The following MUC5AC variants were observed in gnomAD, a reference collection of about 807,000 sequenced individuals.
The protein encoded by MUC5AC is mucin-5AC.
MUC5AC carries 158 observed loss-of-function variants against 169.7 expected under a neutral mutation model. The observed-to-expected ratio is 0.93, with a 90% confidence interval of 0.82 to 1.06. The LOEUF is 1.06. Among genes scored for constraint, MUC5AC ranks in the 50% least tolerant of loss-of-function variants. The pLI is 0.00. For synonymous variants in MUC5AC, 1,975 were observed against 1,237.0 expected (o/e 1.60, Z -12.52); for missense variants, 4,359 against 3,089.9 (o/e 1.41, Z -9.74).
Position 1,190,760 on chromosome 11 carries a change from A to G in MUC5AC, c.12615A>G (p.Pro4205=). The G allele has an allele frequency of 1.4e-6, 1 of 703,388 alleles. No homozygotes were observed. Among genetic ancestry groups the G allele is most frequent in the Non-Finnish European group, 2.6e-6 (1 of 386,146 alleles). 43.6% of individuals were successfully genotyped at this position (703,388 alleles called of 1,614,324 possible). Residue 4205 remains proline, a synonymous_variant, in exon 31 of 49, where the codon CCA becomes CCG. Transcript: ENST00000621226. ...SSPTSSTTST[P]QTSKTSAATS... is the part of the protein sequence containing the mutation. The stretch of plus-strand genomic sequence containing the variant: ...CTACAAGCAGCACAACCTCCACTCC[A>G]CAGACCAGCAAAACCTCAGCTGCTA...
intron 43 of MUC5AC, 68 bp downstream of exon 43, chr11:1,198,373 G>A (rs1306904822): frequency 1.4e-6 from 1 of 703,780 alleles, no homozygotes; most frequent in African/African-American, 1.7e-5. Flanking sequence ...CTGAGGCCCA[G>A]GTAGACTTTG....
rs1489173912 is a variant in MUC5AC at position 1,199,918 on chromosome 11, A to T, written c.16649A>T (p.Glu5550Val). Residue 5550 changes from glutamate to valine, a missense_variant, in exon 48 of 49, where the codon GAG (glutamate) becomes GTG (valine). Physicochemically the swap from Glu to Val is moderately radical, Grantham distance 121 (BLOSUM62 -2). Coordinates refer to ENST00000621226, the MANE Select transcript of MUC5AC (RefSeq NM_001304359.2). ...CAGCAGCAGGGCTGCAGCTCCTCGG[A>T]GCCCGTGCGCCTGGCTTACTGCCGG... is the stretch of plus-strand genomic sequence containing the variant. ...IIQQQGCSSSEPVRLAYCRGN... is the reference protein window; with the variant it reads ...IIQQQGCSSSVPVRLAYCRGN... 1 of 764,380 alleles carries T rather than the reference A, an allele frequency of 1.3e-6. No homozygotes were observed. Among genetic ancestry groups the T allele is most frequent in the Non-Finnish European group, 2.4e-6 (1 of 417,672 alleles). 47.3% of individuals were successfully genotyped at this position (764,380 alleles called of 1,614,324 possible).
In MUC5AC at chr11:1,197,892, C is replaced by G. The variant is rs28742281; in HGVS notation, c.16034-11C>G. ...GACAGACTCCTAATTGCCTCACTCCCGCCCCCGCAGCCTGCAACACCAGCC... is the reference window on the plus strand; with the variant it reads ...GACAGACTCCTAATTGCCTCACTCCGGCCCCCGCAGCCTGCAACACCAGCC... On this transcript the variant is annotated splice_polypyrimidine_tract_variant and intron_variant, in intron 41 of 48. Transcript: ENST00000621226. 4.2e-6 allele frequency: 3 copies of G among 706,948 alleles called. No individual in the cohort carries two copies. The South Asian group carries it at 4.4e-5, about 10-fold the overall frequency. The allele number at this position is 706,948 out of a possible 1,614,324, so 43.8% of individuals were successfully genotyped here. A position where few individuals can be genotyped will look rare whatever the true frequency, so the allele number is the denominator to read the frequency against.
chr11:1,199,424 G>C lies in MUC5AC; in HGVS notation c.16449G>C (p.Glu5483Asp), dbSNP rs1179841087. The C allele has an allele frequency of 2.7e-6, 2 of 732,326 alleles. No individual in the cohort carries two copies. Among genetic ancestry groups the C allele is most frequent in the Non-Finnish European group, 5.0e-6 (2 of 401,640 alleles). 45.4% of individuals were successfully genotyped at this position (732,326 alleles called of 1,614,324 possible). ...ACCACTGTGTGACCCACCAGTGTGAGAAGCACCAGGATGGGCTCGTGGTGG... is the reference window on the plus strand; with the variant it reads ...ACCACTGTGTGACCCACCAGTGTGACAAGCACCAGGATGGGCTCGTGGTGG... ...AGNHCVTHQC[E>D]KHQDGLVVVT... Residue 5483 changes from glutamate to aspartate, a missense_variant, in exon 46 of 49, where the codon GAG becomes GAC. Physicochemically the swap from Glu to Asp is conservative, Grantham distance 45. Coordinates refer to ENST00000621226, the MANE Select transcript of MUC5AC (RefSeq NM_001304359.2).
At chr11:1,179,879 G>A (rs1019966067) in intron 26 of MUC5AC, 143 bp from the exon 27 acceptor site, 10 of 396,914 alleles carry the variant, frequency 2.5e-5, no homozygotes, top group Admixed American at 4.4e-5. Context: ...GGGGGGTCCC[G>A]ATCTGGCCCA....
intron 25 of MUC5AC, 39 bp downstream of exon 25, chr11:1,178,722 G>A (rs1367816121): frequency 8.0e-6 from 9 of 1,119,794 alleles, no homozygotes; most frequent in Non-Finnish European, 1.0e-5. Flanking sequence ...GCCCAAGGGG[G>A]TCATGGTGAC....
At chr11:1,165,902 C>A in intron 11 of MUC5AC, 142 bp downstream of exon 11, 2 of 1,209,780 alleles carry the variant, frequency 1.7e-6, no homozygotes, top group Non-Finnish European at 2.3e-6. Context: ...CTCAAGGAAG[C>A]ACTCCAGCTC....
rs1860905255 is a variant in MUC5AC, at chr11:1,185,140, C to A, written c.6995C>A (p.Thr2332Lys). The A allele has an allele frequency of 1.4e-6, 1 of 728,690 alleles. No individual in the cohort carries two copies. The highest frequency in any genetic ancestry group is 1.9e-5 in the Admixed American group (1 of 53,052). 45.1% of individuals were successfully genotyped at this position (728,690 alleles called of 1,614,324 possible). The part of the protein sequence containing the change: ...TSITSAPTTS[T>K]TSAPTSSTTS... ...ATAACCTCTGCCCCTACAACCAGCACAACCTCTGCCCCTACAAGCAGCACA... is the reference window on the plus strand; with the variant it reads ...ATAACCTCTGCCCCTACAACCAGCAAAACCTCTGCCCCTACAAGCAGCACA... The change falls in exon 31 of 49, where the codon ACA (threonine) becomes AAA (lysine). Residue 2332 changes from threonine (T) to lysine (K), a missense_variant. Coordinates refer to ENST00000621226, the MANE Select transcript of MUC5AC (RefSeq NM_001304359.2).
chr11:1,168,183 GGGCC>G (rs1264056548), intron 12 of MUC5AC, among the ~76,000 whole-genome samples, 196 bp downstream of exon 12: 2 of 152,176 alleles, frequency 1.3e-5, no homozygotes, highest in Non-Finnish European at 1.5e-5. Flanking sequence ...CGGGCCTCCC[GGGCC>G]GCCATACCTG....
chr11:1,165,377 C>G lies in MUC5AC; in HGVS notation c.1205C>G (p.Ala402Gly). 1 of 1,612,432 alleles carries G rather than the reference C, an allele frequency of 6.2e-7. No individual in the cohort carries two copies. Among genetic ancestry groups the G allele is most frequent in the Non-Finnish European group, 8.5e-7 (1 of 1,179,706 alleles). Residue 402 changes from alanine to glycine, a missense_variant, in exon 10 of 49, where the codon GCC becomes GGC. Transcript: ENST00000621226. The stretch of plus-strand genomic sequence containing the variant: ...TGTGCCTGCGTCTACAACGGGGCTG[C>G]CTATGCCCCAGGGGCCACCTACTCC... ...SKCACVYNGA[A>G]YAPGATYSTD...
chr11:1,176,986 G>A lies in MUC5AC; in HGVS notation c.2713G>A (p.Val905Met), dbSNP rs1193555920. The A allele has an allele frequency of 7.5e-6, 3 of 399,258 alleles. No homozygotes were observed. Among genetic ancestry groups the A allele is most frequent in the African/African-American group, 2.1e-5 (1 of 48,772 alleles). The allele number at this position is 399,258 out of a possible 1,614,324, so 24.7% of individuals were successfully genotyped here. ...TDDPCLATCA[V>M]YGDGHYLTFD... ...TGACCCCTGCCTGGCCACCTGCGCC[G>A]TGTACGGGGACGGCCACTACCTCAC... The change falls in exon 22 of 49, where the codon GTG becomes ATG. Residue 905 changes from valine to methionine, a missense_variant. Physicochemically the swap from Val to Met is conservative, Grantham distance 21 (BLOSUM62 1). Transcript: ENST00000621226.
rs1227892209 is a variant in MUC5AC, at chr11:1,184,526, CG to C, written c.6382del (p.Val2128TrpfsTer46). On this transcript the variant is annotated frameshift_variant, in exon 31 of 49. Transcript: ENST00000621226. LOFTEE classifies it high-confidence loss of function. ...GGTGCACCTGGACAACGTGGTTCGA[CG>C]TGGACTTCCCGTCCCCCGGACCCCA... ...PRCTWTTWFD[V>X]DFPSPGPHGG... is the part of the protein sequence containing the mutation. 4.6e-6 allele frequency: 3 copies of C among 653,274 alleles called. No individual in the cohort carries two copies. The African/African-American group carries it at 5.4e-5, about 12-fold the overall frequency. The allele number at this position is 653,274 out of a possible 1,614,324, so 40.5% of individuals were successfully genotyped here. A position where few individuals can be genotyped will look rare whatever the true frequency, so the allele number is the denominator to read the frequency against.
Position 1,200,728 on chromosome 11 carries a change from C to A in MUC5AC, c.*26C>A, listed in dbSNP as rs746512330. 5 of 701,026 alleles carry A rather than the reference C, an allele frequency of 7.1e-6. No homozygotes were observed. The highest frequency in any genetic ancestry group is 1.3e-5 in the Non-Finnish European group (5 of 382,098). The allele number at this position is 701,026 out of a possible 1,614,324, so 43.4% of individuals were successfully genotyped here. A position where few individuals can be genotyped will look rare whatever the true frequency, so the allele number is the denominator to read the frequency against. On this transcript the variant is annotated 3_prime_UTR_variant, in exon 49 of 49. Coordinates refer to ENST00000621226, the MANE Select transcript of MUC5AC (RefSeq NM_001304359.2). ...CCAGCACTGCCGCCCTCCTGACCTC[C>A]AAGGAGAACCTCCCATATGTCCTCT... is the stretch of plus-strand genomic sequence containing the variant.
rs979685923 is a variant in MUC5AC at position 1,167,691 on chromosome 11, C to T, written c.1387-186C>T. Among the ~76,000 whole-genome samples, 225 of 152,294 alleles carry T rather than the reference C, an allele frequency of 1.5e-3. 1 individual carries two copies. Among genetic ancestry groups the T allele is most frequent in the African/African-American group, 5.2e-3 (216 of 41,554 alleles). On this transcript the variant is annotated intron_variant, in intron 11 of 48. Coordinates refer to ENST00000621226, the MANE Select transcript of MUC5AC (RefSeq NM_001304359.2). ...GAGTGTGGCCTCCTCAGGGTGCATG[C>T]AGATTTCTGTGTGTGCCTGGGTGTC...
chr11:1,175,331 A>C (rs918525708), intron 19 of MUC5AC, 61 bp downstream of exon 19: 30 of 398,492 alleles, frequency 7.5e-5, no homozygotes, highest in African/African-American at 5.1e-4. Flanking sequence ...AGAAATCCTG[A>C]AAAATGGCTT....
Position 1,182,576 on chromosome 11 carries a change from G to A in MUC5AC, c.4431G>A (p.Thr1477=), listed in dbSNP as rs1057253714. The A allele has an allele frequency of 1.0e-5, 4 of 398,500 alleles. No individual in the cohort carries two copies. Among genetic ancestry groups the A allele is most frequent in the Admixed American group, 4.4e-5 (1 of 22,720 alleles). 24.7% of individuals were successfully genotyped at this position (398,500 alleles called of 1,614,324 possible). ...YNYQIRVQCC[T]PLPCSTSSSP... is the part of the protein sequence containing the mutation. ...ACCAGATCAGGGTCCAGTGCTGCAC[G>A]CCCCTACCCTGCTCCACCTCTAGCA... is the stretch of plus-strand genomic sequence containing the variant. Residue 1477 remains threonine (T), a synonymous_variant, in exon 31 of 49, where the codon ACG becomes ACA. Transcript: ENST00000621226.
chr11:1,167,659 C>T (rs541257750), intron 11 of MUC5AC, among the ~76,000 whole-genome samples: 18 of 152,336 alleles, frequency 1.2e-4, no homozygotes, highest in African/African-American at 3.1e-4. Context: ...CTATAGTTGG[C>T]GTTGCAGAGT....
chr11:1,165,299 CA>C lies in MUC5AC; in HGVS notation c.1130-2del. On this transcript the variant is annotated splice_acceptor_variant, in intron 9 of 48. Transcript: ENST00000621226. LOFTEE classifies it high-confidence loss of function. ...CCGTCATAGGCCTGCCTGACCCCTG[CA>C]GGGACGGTGCTTGACGACATCGGCC... 1.2e-6 allele frequency: 2 copies of C among 1,610,930 alleles called. No homozygotes were observed. Among genetic ancestry groups the C allele is most frequent in the Non-Finnish European group, 1.7e-6 (2 of 1,178,982 alleles).
At chr11:1,176,863 A>G in intron 21 of MUC5AC, 65 bp from the exon 22 acceptor site, 1 of 398,638 alleles carries the variant, frequency 2.5e-6, no homozygotes, top group Non-Finnish European at 4.4e-6. Flanking sequence ...CAGGGGTAGG[A>G]AGGCTGCACC....
Sources: allele counts gnomAD v4.1 joint callset (sites outside exome capture counted in the v4.1 genomes callset), GRCh38; gene constraint gnomAD v4.1.1; transcripts MANE v1.5; gene names NCBI Gene and HGNC (gene_info 2026-07-23, HGNC 2026-07-21).